The following HGF variants were observed in gnomAD, a reference collection of about 807,000 sequenced individuals.
HGF encodes hepatocyte growth factor.
Under a neutral mutation model 111.6 loss-of-function variants are expected in HGF, and 39 were observed. The observed-to-expected ratio is 0.35, with a 90% CI of 0.27 to 0.46. The LOEUF is 0.46. HGF is among the 20% of genes least tolerant of loss of function. The probability of loss-of-function intolerance (pLI) is 1.00; values close to 1 mark genes in which losing one functional copy is unlikely to be tolerated. For missense variants in HGF, 735 were observed against 910.5 expected (o/e 0.81, Z 2.48); for synonymous variants, 285 against 294.8 (o/e 0.97, Z 0.34).
chr7:81,749,356 G>A (rs28669142), intron 5 of HGF, among the ~76,000 whole-genome samples: 7,308 of 152,064 alleles, frequency 0.048, 634 homozygotes, highest in African/African-American at 0.17. Context: ...TCAAGCAAAC[G>A]CTAAAGCAAG....
intron 15 of HGF, 117 bp from the exon 16 acceptor site, chr7:81,705,870 TAAAA>T (rs59876148): frequency 8.4e-4 from 451 of 536,014 alleles, no homozygotes; most frequent in South Asian, 1.4e-3. Context: ...TCCTGTTTCT[TAAAA>T]AAAAAAAAAA....
chr7:81,723,874 A>G (rs1346760842), intron 9 of HGF, among the ~76,000 whole-genome samples: 1 of 151,434 alleles, frequency 6.6e-6, no homozygotes, highest in Non-Finnish European at 1.5e-5. Context: ...TTATATCTAT[A>G]GAAAAATACC....
chr7:81,709,712 G>A (rs757697515), intron 13 of HGF, among the ~76,000 whole-genome samples: 6 of 151,818 alleles, frequency 4.0e-5, no homozygotes, highest in Non-Finnish European at 5.9e-5. Context: ...TGATTGACAA[G>A]GAAAAAGTCA....
rs1789831976 is a variant in HGF, at chr7:81,720,776, T to C, written c.1240A>G (p.Met414Val). The C allele has an allele frequency of 2.5e-6, 4 of 1,612,802 alleles. No individual in the cohort carries two copies. The highest frequency in any genetic ancestry group is 1.7e-6 in the Non-Finnish European group (2 of 1,178,820). ...AAGTCTTCCATGTTCTTGTCCCACA[T>C]TGAACATGTTAGTCCAGATCTTGTT... Reference protein sequence around the residue: ...SQTRSGLTCSMWDKNMEDLHR... With the variant: ...SQTRSGLTCSVWDKNMEDLHR... Residue 414 changes from methionine to valine, a missense_variant, in exon 10 of 18, where the codon ATG (methionine) becomes GTG (valine). By Grantham distance (21) the Met-to-Val change is conservative. This residue lies in a region of HGF where 553 missense variants were observed against 685.6 expected (regional missense o/e 0.81). Transcript: ENST00000222390.
chr7:81,752,364 A>G (rs773521770), intron 4 of HGF, 102 bp from the exon 5 acceptor site: 5 of 911,152 alleles, frequency 5.5e-6, no homozygotes, highest in Non-Finnish European at 9.0e-6. Context: ...AGGTAGAAAA[A>G]TCCTTTATCT....
rs1789739078 is a variant in HGF, at chr7:81,717,315, C to T, written c.1322G>A (p.Arg441Gln). ...TCCATGAGCATCATCATCTGGATTT[C>T]GGCAGTAATTCTCATTCAGCTTACT... is the stretch of plus-strand genomic sequence containing the variant. ...DASKLNENYCRNPDDDAHGPW... is the reference protein window; with the variant it reads ...DASKLNENYCQNPDDDAHGPW... The change falls in exon 11 of 18, where the codon CGA (arginine) becomes CAA (glutamine). Residue 441 changes from arginine to glutamine, a missense_variant. This residue lies in a region of HGF where 553 missense variants were observed against 685.6 expected (regional missense o/e 0.81). Transcript: ENST00000222390. The T allele has an allele frequency of 1.2e-6, 2 of 1,613,404 alleles. No homozygotes were observed. Among genetic ancestry groups the T allele is most frequent in the African/African-American group, 1.3e-5 (1 of 74,996 alleles).
intron 7 of HGF, among the ~76,000 whole-genome samples, chr7:81,736,894 GGTGT>G (rs368271908): frequency 2.8e-4 from 40 of 142,046 alleles, no homozygotes; most frequent in East Asian, 6.4e-4. Context: ...TGTGTAGAGG[GGTGT>G]GTGTGTGTGT....
intron 1 of HGF, among the ~76,000 whole-genome samples, chr7:81,767,877 A>C (rs1331488040): frequency 1.3e-5 from 2 of 152,170 alleles, no homozygotes; most frequent in Non-Finnish European, 2.9e-5. Context: ...AAAAAGAACA[A>C]ACTTTGTGTG....
intron 6 of HGF, among the ~76,000 whole-genome samples, chr7:81,743,702 G>A (rs377222703): frequency 7.9e-5 from 12 of 152,066 alleles, no homozygotes; most frequent in African/African-American, 2.7e-4. Context: ...AGGTCTATGT[G>A]GTACCTTTCC....
intron 7 of HGF, among the ~76,000 whole-genome samples, chr7:81,740,393 C>T (rs1216030233): frequency 6.6e-6 from 1 of 152,150 alleles, no homozygotes; most frequent in Non-Finnish European, 1.5e-5. Flanking sequence ...TGTGGTCCCC[C>T]AGATCCCCAC....
At chr7:81,739,756 G>T (rs1462384269) in intron 7 of HGF, among the ~76,000 whole-genome samples, 1 of 152,026 alleles carries the variant, frequency 6.6e-6, no homozygotes, top group Non-Finnish European at 1.5e-5. Context: ...TATGCCCAAA[G>T]GCCCCTAAGA....
At chr7:81,710,991 C>A (rs1175118534) in intron 12 of HGF, among the ~76,000 whole-genome samples, 2 of 152,128 alleles carry the variant, frequency 1.3e-5, no homozygotes, top group Admixed American at 6.6e-5. Context: ...TGGCCCCCAA[C>A]AGATTCTTAA....
chr7:81,705,727 C>G lies in HGF; in HGVS notation c.1784G>C (p.Ser595Thr). ...ARPAVLDDFV[S>T]TIDLPNYGCT... ...TCCATAATTAGGTAAATCAATCGTA[C>G]TAACAAAATCATCCAGGACAGCAGG... The change falls in exon 16 of 18, where the codon AGT (serine) becomes ACT (threonine). Residue 595 changes from serine to threonine, a missense_variant. By Grantham distance (58) the Ser-to-Thr change is moderately conservative (BLOSUM62 1). This residue lies in a region of HGF where 130 missense variants were observed against 129.9 expected (regional missense o/e 1.00). Coordinates refer to ENST00000222390, the MANE Select transcript of HGF (RefSeq NM_000601.6). 4 of 1,611,388 alleles carry G rather than the reference C, an allele frequency of 2.5e-6. No individual in the cohort carries two copies. The highest frequency in any genetic ancestry group is 3.4e-6 in the Non-Finnish European group (4 of 1,178,066).
At position 81,702,488 on chromosome 7, in the gene HGF, T is replaced by G; in HGVS notation, c.*93A>C. ...TGACTCTCCAGTAGTTGTCTTAGGA[T>G]TGTTGTAAGTGACATTTTAAATTCC... On this transcript the variant is annotated 3_prime_UTR_variant, in exon 18 of 18. Coordinates refer to ENST00000222390, the MANE Select transcript of HGF (RefSeq NM_000601.6). 9.8e-7 allele frequency: 1 copy of G among 1,017,032 alleles called. No homozygotes were observed. The highest frequency in any genetic ancestry group is 1.5e-6 in the Non-Finnish European group (1 of 648,122). 63.0% of individuals were successfully genotyped at this position (1,017,032 alleles called of 1,614,324 possible). A position where few individuals can be genotyped will look rare whatever the true frequency, so the allele number is the denominator to read the frequency against.
At chr7:81,753,543 A>T (rs1277324865) in intron 4 of HGF, among the ~76,000 whole-genome samples, 1 of 152,038 alleles carries the variant, frequency 6.6e-6, no homozygotes, top group Non-Finnish European at 1.5e-5. Flanking sequence ...ATGTTGTGAC[A>T]CAAAACAAAT....
chr7:81,725,108 A>T (rs1173272200), intron 9 of HGF, among the ~76,000 whole-genome samples: 2 of 152,134 alleles, frequency 1.3e-5, no homozygotes, highest in Non-Finnish European at 2.9e-5. Context: ...TATTTTCCGA[A>T]ATGCAGCCAG....
intron 17 of HGF, 71 bp from the exon 18 acceptor site, chr7:81,702,828 T>C: frequency 8.0e-7 from 1 of 1,242,878 alleles, no homozygotes; most frequent in Non-Finnish European, 1.2e-6. Flanking sequence ...TAATCATATA[T>C]AGATTTGCAT....
intron 5 of HGF, among the ~76,000 whole-genome samples, 155 bp from the exon 6 acceptor site, chr7:81,745,275 T>A (rs1483558197): frequency 6.6e-6 from 1 of 152,192 alleles, no homozygotes; most frequent in Admixed American, 6.5e-5. Flanking sequence ...TGTCTATAAA[T>A]AGTGACATAA....
intron 7 of HGF, among the ~76,000 whole-genome samples, chr7:81,737,969 G>A (rs1787888021): frequency 6.6e-6 from 1 of 152,042 alleles, no homozygotes; most frequent in African/African-American, 2.4e-5. Context: ...ACCTGTTGGA[G>A]TTTACTTCAT....
Sources: gnomAD v4.1 joint callset for allele counts (sites outside exome capture counted in the v4.1 genomes callset) on GRCh38, gnomAD v4.1.1 for gene constraint, gnomAD v4.1.1 regional missense constraint, MANE v1.5 for transcripts, NCBI Gene and HGNC (gene_info 2026-07-23, HGNC 2026-07-21) for gene names.